The following KCTD10 variants were observed in gnomAD, a reference collection of about 807,000 sequenced individuals.
KCTD10 encodes potassium channel tetramerization domain containing 10.
Under a neutral mutation model 34.6 loss-of-function variants are expected in KCTD10, and 13 were observed. The observed-to-expected ratio is 0.38, with a 90% CI of 0.24 to 0.60. The LOEUF is 0.60. Ranked by LOEUF, KCTD10 falls within the 20% of genes least tolerant of loss-of-function variation. The probability of loss-of-function intolerance (pLI) is 0.66; values close to 1 mark genes in which losing one functional copy is unlikely to be tolerated. For missense variants in KCTD10, 256 were observed against 420.3 expected (o/e 0.61, Z 3.42); for synonymous variants, 156 against 168.8 (o/e 0.92, Z 0.59).
At chr12:109,471,184 A>C (rs754123482) in intron 1 of KCTD10, 344 of 985,440 alleles carry the variant, frequency 3.5e-4, no homozygotes, top group Non-Finnish European at 4.0e-4. Flanking sequence ...TGGGTACTAC[A>C]ACTATAACTG....
At chr12:109,477,146 T>G (rs1874408397) in intron 1 of KCTD10, 114 bp downstream of exon 1, 2 of 855,602 alleles carry the variant, frequency 2.3e-6, no homozygotes, top group Non-Finnish European at 3.1e-6. Flanking sequence ...GCCTCTCCAC[T>G]ATCGTGACTG....
chr12:109,469,379 G>C, intron 2 of KCTD10, 136 bp downstream of exon 2: 1 of 1,000,248 alleles, frequency 1.0e-6, no homozygotes. Flanking sequence ...CAACGACCAA[G>C]TCAAGATGGT....
chr12:109,468,405 T>C (rs1450397562), intron 2 of KCTD10, among the ~76,000 whole-genome samples: 4 of 152,166 alleles, frequency 2.6e-5, no homozygotes, highest in East Asian at 1.9e-4. Flanking sequence ...CCTGGAAAGG[T>C]AGGGCAGCAG....
At chr12:109,467,063 G>A (rs1873626670) in intron 2 of KCTD10, among the ~76,000 whole-genome samples, 1 of 152,184 alleles carries the variant, frequency 6.6e-6, no homozygotes, top group African/African-American at 2.4e-5. Flanking sequence ...CCTTCACGAG[G>A]GCCCCCACCA....
intron 1 of KCTD10, chr12:109,471,300 A>T: frequency 1.0e-6 from 1 of 985,494 alleles, no homozygotes; most frequent in African/African-American, 1.7e-5. Flanking sequence ...ATTCAAGGTT[A>T]TCCAACTCTT....
rs1041311432 is a variant in KCTD10, at chr12:109,450,200, TCTC to T, written c.*1392_*1394del. ...ATCCATCACCTGACGCACATTCACA[TCTC>T]CTGGTAACTACTCTACCTAGTCTAG... On this transcript the variant is annotated 3_prime_UTR_variant, in exon 7 of 7. Coordinates refer to ENST00000228495, the MANE Select transcript of KCTD10 (RefSeq NM_031954.5). 7.5e-6 allele frequency: 3 copies of T among 398,484 alleles called. No individual in the cohort carries two copies. The highest frequency in any genetic ancestry group is 2.1e-5 in the African/African-American group (1 of 48,624). The allele number at this position is 398,484 out of a possible 1,614,324, so 24.7% of individuals were successfully genotyped here. A position where few individuals can be genotyped will look rare whatever the true frequency, so the allele number is the denominator to read the frequency against.
chr12:109,467,171 C>G (rs1363115108), intron 2 of KCTD10, among the ~76,000 whole-genome samples: 2 of 152,248 alleles, frequency 1.3e-5, no homozygotes, highest in Admixed American at 6.5e-5. Context: ...GGACAGCAGA[C>G]AGTAAGAGGC....
intron 3 of KCTD10, among the ~76,000 whole-genome samples, chr12:109,459,957 ATTCAG>A (rs779085176): frequency 3.4e-4 from 52 of 152,244 alleles, no homozygotes; most frequent in Admixed American, 9.8e-4. Context: ...ATGCTGCAAC[ATTCAG>A]TTAGGTCTGC....
intron 2 of KCTD10, among the ~76,000 whole-genome samples, chr12:109,468,608 G>T (rs908360291): frequency 6.6e-6 from 1 of 151,592 alleles, no homozygotes. Context: ...CATTCCAGGT[G>T]AGTAGGAAGT....
At chr12:109,471,966 C>T (rs1372348575) in intron 1 of KCTD10, among the ~76,000 whole-genome samples, 3 of 152,076 alleles carry the variant, frequency 2.0e-5, no homozygotes. Context: ...TTGTATAGGA[C>T]ACTTACCATG....
Position 109,456,136 on chromosome 12 carries a change from A to G in KCTD10, c.705T>C (p.Thr235=). 1 of 1,614,158 alleles carries G rather than the reference A, an allele frequency of 6.2e-7. No individual in the cohort carries two copies. Among genetic ancestry groups the G allele is most frequent in the Non-Finnish European group, 8.5e-7 (1 of 1,180,022 alleles). Residue 235 remains threonine (T), a synonymous_variant, in exon 6 of 7, where the codon ACT becomes ACC. Coordinates refer to ENST00000228495, the MANE Select transcript of KCTD10 (RefSeq NM_031954.5). ...CTCTTACCTTGGTCTGTTTCTTCTC[A>G]GTGGCATAGACGATGGAGGTACAAC... The part of the protein sequence containing the change: ...EVCCTSIVYA[T]EKKQTKVEFP...
chr12:109,464,861 A>G (rs1873516693), intron 2 of KCTD10: 1 of 456,058 alleles, frequency 2.2e-6, no homozygotes. Context: ...AGAAGTTGCC[A>G]TAACCACTCC....
intron 6 of KCTD10, among the ~76,000 whole-genome samples, chr12:109,452,427 GT>G (rs1248445588): frequency 2.0e-5 from 3 of 152,230 alleles, no homozygotes; most frequent in African/African-American, 7.2e-5. Context: ...AAATCATTGT[GT>G]TTGCTCATTG....
At chr12:109,464,716 A>G in intron 2 of KCTD10, 1 of 403,352 alleles carries the variant, frequency 2.5e-6, no homozygotes, top group Non-Finnish European at 5.0e-6. Context: ...AATACACATA[A>G]AAACATGCTC....
At position 109,458,052 on chromosome 12, in the gene KCTD10, G is replaced by A; in HGVS notation, c.414C>T (p.Cys138=). The A allele has an allele frequency of 6.2e-7, 1 of 1,614,156 alleles. No homozygotes were observed. The highest frequency in any genetic ancestry group is 8.5e-7 in the Non-Finnish European group (1 of 1,179,972). Residue 138 remains cysteine (C), a synonymous_variant, in exon 4 of 7, where the codon TGC becomes TGT. Coordinates refer to ENST00000228495, the MANE Select transcript of KCTD10 (RefSeq NM_031954.5). ...TGGATGAGGTGATCACAGGGACCTT[G>A]CAGAAAGGCTCATAAGTATCTTTGT... The part of the protein sequence containing the change: ...LQNKDTYEPF[C]KVPVITSSKE...
intron 2 of KCTD10, among the ~76,000 whole-genome samples, chr12:109,465,092 C>G (rs746703319): frequency 6.6e-6 from 1 of 152,136 alleles, no homozygotes; most frequent in Non-Finnish European, 1.5e-5. Context: ...TGGGCAGCAT[C>G]GCACAGAGAA....
At chr12:109,466,809 G>A (rs773502748) in intron 2 of KCTD10, among the ~76,000 whole-genome samples, 2 of 152,246 alleles carry the variant, frequency 1.3e-5, no homozygotes, top group Non-Finnish European at 2.9e-5. Context: ...TGGCTGAGCT[G>A]CACTTGGCAT....
At position 109,460,389 on chromosome 12, in the gene KCTD10, G is replaced by A. The variant is rs72647792; in HGVS notation, c.387+247C>T. The A allele has an allele frequency of 0.017, 8,492 of 508,434 alleles. 103 individuals are homozygous for A. The highest frequency in any genetic ancestry group is 0.021 in the Non-Finnish European group (5,888 of 281,988). 31.5% of individuals were successfully genotyped at this position (508,434 alleles called of 1,614,324 possible). On this transcript the variant is annotated intron_variant, in intron 3 of 6. Transcript: ENST00000228495. The surrounding 1 kb of genome is among the most constrained non-coding windows in gnomAD (Gnocchi z 4.5). ...GGGTTCTCTGCTGAAGGGTTGAGAT[G>A]TACACATGAGAAGATCCAACAGCAT...
intron 2 of KCTD10, 26 bp downstream of exon 2, chr12:109,469,489 G>A (rs753215007): frequency 6.2e-7 from 1 of 1,611,054 alleles, no homozygotes; most frequent in East Asian, 2.2e-5. Flanking sequence ...CATGGCCAGA[G>A]GCAGGCACAT....
Sources: gnomAD v4.1 joint callset for allele counts (sites outside exome capture counted in the v4.1 genomes callset) on GRCh38, gnomAD v4.1.1 for gene constraint, Gnocchi (gnomAD v3.1) non-coding constraint, MANE v1.5 for transcripts, NCBI Gene and HGNC (gene_info 2026-07-23, HGNC 2026-07-21) for gene names.